ZNF600: variants seen among roughly 807,000 people sequenced by gnomAD.
ZNF600 encodes zinc finger protein KR-ZNF1.
ZNF600 carries 4 observed loss-of-function variants against 7.3 expected under a neutral mutation model. The observed-to-expected ratio is 0.55, with a 90% CI of 0.27 to 1.25. The LOEUF (loss-of-function observed/expected upper bound fraction) is 1.25, where lower values mean the gene tolerates loss of function less well. Among genes scored for constraint, ZNF600 ranks in the 50% most tolerant of loss-of-function variants. The pLI is 0.12. For synonymous variants in ZNF600, 290 were observed against 308.9 expected (o/e 0.94, Z 0.64); for missense variants, 911 against 922.1 (o/e 0.99, Z 0.16).
chr19:52,766,831 T>C lies in ZNF600; in HGVS notation c.1132A>G (p.Lys378Glu). Reference sequence around the variant, plus strand: ...AGGGTTGATTTCCGACTGAAAACTTTGTCACATTCTTCACATTTGTAAGGT... The same window carrying C: ...AGGGTTGATTTCCGACTGAAAACTTCGTCACATTCTTCACATTTGTAAGGT... Residue 378 changes from lysine to glutamate, a missense_variant, in exon 4 of 4, where the codon AAA becomes GAA. Physicochemically the swap from Lys to Glu is moderately conservative, Grantham distance 56. Transcript: ENST00000648973. 1.9e-6 allele frequency: 3 copies of C among 1,614,176 alleles called. No homozygotes were observed. The Admixed American group carries it at 5.0e-5, about 27-fold the overall frequency.
chr19:52,773,816 A>G (rs2062650180), intron 3 of ZNF600, among the ~76,000 whole-genome samples: 1 of 152,002 alleles, frequency 6.6e-6, no homozygotes, highest in South Asian at 2.1e-4. Context: ...GGTTGCAGTG[A>G]GCTGAGATTG....
chr19:52,809,737 G>A, the ZNF600 span: 3 of 414,416 alleles, frequency 7.2e-6, no homozygotes, highest in African/African-American at 2.1e-5. Flanking sequence ...CCCAGGAGGA[G>A]GGGGTTGCAG....
At chr19:52,795,034 T>C in the ZNF600 span, among the ~76,000 whole-genome samples, 12 of 152,146 alleles carry the variant, frequency 7.9e-5, no homozygotes, top group South Asian at 1.0e-3. Flanking sequence ...GTTTAAAACA[T>C]TGAAAAAGAA....
the ZNF600 span, among the ~76,000 whole-genome samples, chr19:52,833,207 T>C: frequency 1.3e-5 from 2 of 152,226 alleles, no homozygotes; most frequent in Admixed American, 6.5e-5. Context: ...GTAGTTTCTC[T>C]GATCTGGTCC....
chr19:52,815,737 A>C, the ZNF600 span, among the ~76,000 whole-genome samples: 4 of 145,536 alleles, frequency 2.7e-5, 1 homozygote, highest in South Asian at 9.2e-4. Flanking sequence ...AGGCAGGAGA[A>C]TGGTGTGAAC....
intron 3 of ZNF600, among the ~76,000 whole-genome samples, chr19:52,772,595 C>T (rs946540514): frequency 9.9e-5 from 15 of 152,118 alleles, no homozygotes; most frequent in African/African-American, 3.4e-4. Context: ...AGGAGCAAAA[C>T]TCCATCTCAA....
At chr19:52,825,523 A>C in the ZNF600 span, among the ~76,000 whole-genome samples, 5 of 151,978 alleles carry the variant, frequency 3.3e-5, no homozygotes, top group African/African-American at 4.8e-5. Flanking sequence ...AAAATATAAC[A>C]ATTAGCCAAG....
At chr19:52,810,581 C>T in the ZNF600 span, 2,752 of 1,588,878 alleles carry the variant, frequency 1.7e-3, 43 homozygotes, top group African/African-American at 0.03. Context: ...TCCACGAGCC[C>T]GCTACCGCGC....
At chr19:52,778,446 T>C (rs1319304361) in intron 2 of ZNF600, among the ~76,000 whole-genome samples, 1 of 152,176 alleles carries the variant, frequency 6.6e-6, no homozygotes, top group African/African-American at 2.4e-5. Context: ...TTACTAGATA[T>C]CTGTGTACAC....
intron 1 of ZNF600, among the ~76,000 whole-genome samples, chr19:52,786,068 C>A (rs775142754): frequency 1.3e-5 from 2 of 152,160 alleles, no homozygotes; most frequent in Non-Finnish European, 2.9e-5. Flanking sequence ...ATCTCCTGAT[C>A]CCTTTGGCCC....
At chr19:52,825,262 G>A in the ZNF600 span, among the ~76,000 whole-genome samples, 2 of 152,112 alleles carry the variant, frequency 1.3e-5, no homozygotes, top group African/African-American at 4.8e-5. Flanking sequence ...AAACTGGGAA[G>A]GACTCACGTG....
chr19:52,821,845 T>C, the ZNF600 span, among the ~76,000 whole-genome samples: 1 of 151,648 alleles, frequency 6.6e-6, no homozygotes, highest in East Asian at 1.9e-4. Flanking sequence ...ACAGCTTGCA[T>C]TGGGCCGAGA....
the ZNF600 span, chr19:52,807,794 T>G: frequency 1.1e-6 from 1 of 870,282 alleles, no homozygotes. Flanking sequence ...GTTTTATGCC[T>G]ACTTTACTTC....
intron 1 of ZNF600, among the ~76,000 whole-genome samples, 125 bp downstream of exon 3, chr19:52,780,456 G>A (rs954700964): frequency 1.4e-4 from 22 of 152,288 alleles, no homozygotes; most frequent in Middle Eastern, 3.4e-3. Context: ...GCCCCAGGAA[G>A]AGGAAAGCGA....
exon 4 of ZNF600, chr19:52,765,631 G>C (rs565051859): frequency 6.2e-7 from 1 of 1,613,976 alleles, no homozygotes; most frequent in South Asian, 1.1e-5. Flanking sequence ...TGGTGAATAA[G>C]TGTTGACTGC....
At chr19:52,772,346 T>C (rs1443134953) in intron 3 of ZNF600, among the ~76,000 whole-genome samples, 1 of 152,100 alleles carries the variant, frequency 6.6e-6, no homozygotes, top group African/African-American at 2.4e-5. Context: ...CTCAGGCCTG[T>C]AATCCTAGCT....
chr19:52,782,460 T>C (rs531761202), intron 1 of ZNF600, among the ~76,000 whole-genome samples: 4 of 152,064 alleles, frequency 2.6e-5, no homozygotes, highest in South Asian at 2.1e-4. Context: ...GAGGCGAAGT[T>C]TGTGATGAGC....
the ZNF600 span, chr19:52,800,112 G>A: frequency 3.2e-5 from 52 of 1,613,954 alleles, no homozygotes; most frequent in Admixed American, 3.2e-4. Flanking sequence ...ACATTTGTAC[G>A]GTTTCTCTCC....
At chr19:52,775,399 A>T (rs1190384174) in intron 2 of ZNF600, among the ~76,000 whole-genome samples, 2 of 151,826 alleles carry the variant, frequency 1.3e-5, no homozygotes, top group Non-Finnish European at 2.9e-5. Context: ...AAAATACAAA[A>T]ATTAGCTGGG....
Sources: gnomAD v4.1 joint callset for allele counts (sites outside exome capture counted in the v4.1 genomes callset) on GRCh38, gnomAD v4.1.1 for gene constraint, MANE v1.5 for transcripts, NCBI Gene and HGNC (gene_info 2026-07-23, HGNC 2026-07-21) for gene names.